Variants in TRPM3 observed in about 807,000 individuals in gnomAD.
TRPM3 encodes the protein transient receptor potential cation channel subfamily M member 3.
In TRPM3, 77 loss-of-function variants were observed where a neutral mutation model predicts 181.2. The observed-to-expected ratio is 0.42, with a 90% CI of 0.35 to 0.51. TRPM3 has a LOEUF of 0.51. TRPM3 is among the 20% of genes least tolerant of loss of function. The probability of loss-of-function intolerance (pLI) is 0.01; values close to 1 mark genes in which losing one functional copy is unlikely to be tolerated. For missense variants in TRPM3, 1,759 were observed against 2,196.7 expected (o/e 0.80, Z 3.98); for synonymous variants, 745 against 796.4 (o/e 0.94, Z 1.09).
Position 71,396,779 on chromosome 9 carries a change from CG to C in TRPM3, c.183+49873del, listed in dbSNP as rs559709419. Among the ~76,000 whole-genome samples, 488 of 151,706 alleles carry C rather than the reference CG, an allele frequency of 3.2e-3. 3 individuals are homozygous for C. Among genetic ancestry groups the C allele is most frequent in the African/African-American group, 9.2e-3 (381 of 41,394 alleles). The stretch of plus-strand genomic sequence containing the variant: ...AGATTGAGACCCATCCTGGCTAACA[CG>C]GTGAAACCCCATCTCTACTAAAAAA... On this transcript the variant is annotated intron_variant, in intron 1 of 24. Transcript: ENST00000357533.
rs139399037 is a variant in TRPM3, at chr9:71,150,163, G to A, written c.184-285652C>T. ...AAGAGATTGTTATTTTTAAAAATAG[G>A]ATAAATAACAAACACAACTAATAAA... On this transcript the variant is annotated intron_variant, in intron 1 of 24. Coordinates refer to the TRPM3 transcript ENST00000357533. Among the ~76,000 whole-genome samples the A allele has an allele frequency of 1.8e-4, 27 of 151,974 alleles. No homozygotes were observed. In the East Asian group the frequency reaches 4.4e-3, roughly 25 times the overall value.
Position 71,408,130 on chromosome 9 carries a change from C to A in TRPM3, c.183+38523G>T, listed in dbSNP as rs1387411866. ...TGTCAAAGACCAAAGGTAGATAAAA[C>A]CACAAAGATGGGGAGAAACCAGAGC... is the stretch of plus-strand genomic sequence containing the variant. On this transcript the variant is annotated intron_variant, in intron 1 of 24. Coordinates refer to the TRPM3 transcript ENST00000357533. Among the ~76,000 whole-genome samples, 3 of 152,160 alleles carry A rather than the reference C, an allele frequency of 2.0e-5. No individual in the cohort carries two copies. The East Asian group carries it at 5.8e-4, about 29-fold the overall frequency.
chr9:71,184,165 G>T (rs1472307829), intron 1 of TRPM3, among the ~76,000 whole-genome samples: 1 of 152,090 alleles, frequency 6.6e-6, no homozygotes, highest in Non-Finnish European at 1.5e-5. Flanking sequence ...GAAAAAAAGG[G>T]AGGAATACCT....
chr9:70,848,647 C>A (rs914789883), intron 3 of TRPM3, among the ~76,000 whole-genome samples: 2 of 152,178 alleles, frequency 1.3e-5, no homozygotes, highest in African/African-American at 4.8e-5. Flanking sequence ...TCAACAGCAA[C>A]AATAGACACC....
At chr9:71,119,770 C>G (rs1357383233) in intron 1 of TRPM3, among the ~76,000 whole-genome samples, 1 of 152,138 alleles carries the variant, frequency 6.6e-6, no homozygotes, top group Non-Finnish European at 1.5e-5. Context: ...AGAAAATGTA[C>G]ACCAATTTGT....
chr9:71,173,497 G>C (rs945107622), intron 1 of TRPM3, among the ~76,000 whole-genome samples: 1 of 152,208 alleles, frequency 6.6e-6, no homozygotes, highest in Non-Finnish European at 1.5e-5. Flanking sequence ...TGGTGGCGAT[G>C]AAAGAAACAA....
At chr9:71,267,077 G>C (rs1197371022) in intron 1 of TRPM3, among the ~76,000 whole-genome samples, 1 of 151,928 alleles carries the variant, frequency 6.6e-6, no homozygotes, top group Non-Finnish European at 1.5e-5. Flanking sequence ...AATTCATGGA[G>C]AGTCCCGAGA....
In TRPM3 at chr9:70,535,653, C is replaced by T. The variant is rs534345568; in HGVS notation, c.*300G>A. On this transcript the variant is annotated 3_prime_UTR_variant, in exon 26 of 26. Transcript: ENST00000677713. ...CCCCTTGTTTCCCCTGCTCTCATGG[C>T]TTTCTGCTGTGACTGCGGATACACA... 3.1e-4 allele frequency: 453 copies of T among 1,442,938 alleles called. No homozygotes were observed. The highest frequency in any genetic ancestry group is 3.9e-4 in the Non-Finnish European group (436 of 1,106,278). The allele number at this position is 1,442,938 out of a possible 1,614,324, so 89.4% of individuals were successfully genotyped here. A position where few individuals can be genotyped will look rare whatever the true frequency, so the allele number is the denominator to read the frequency against.
intron 1 of TRPM3, among the ~76,000 whole-genome samples, chr9:71,003,102 C>T (rs1442746520): frequency 1.3e-5 from 2 of 150,058 alleles, no homozygotes; most frequent in African/African-American, 4.9e-5. Flanking sequence ...AAAGGGTCTT[C>T]GTTTCAGGTA....
intron 1 of TRPM3, among the ~76,000 whole-genome samples, chr9:71,227,262 A>G (rs1387699472): frequency 5.9e-5 from 9 of 152,064 alleles, no homozygotes; most frequent in African/African-American, 2.2e-4. Context: ...CAGTGAATCA[A>G]CAAAGAGATT....
rs954549338 is a variant in TRPM3 at position 70,535,839 on chromosome 9, G to A, written c.*114C>T. 6 of 1,507,988 alleles carry A rather than the reference G, an allele frequency of 4.0e-6. No homozygotes were observed. Among genetic ancestry groups the A allele is most frequent in the Middle Eastern group, 1.8e-4 (1 of 5,594 alleles). 93.4% of individuals were successfully genotyped at this position (1,507,988 alleles called of 1,614,324 possible). ...GTTAACACCTCCCAAAGCATTGCTTGTTTTGCTCAGCTAAGAATAAAGCAG... is the reference window on the plus strand; with the variant it reads ...GTTAACACCTCCCAAAGCATTGCTTATTTTGCTCAGCTAAGAATAAAGCAG... On this transcript the variant is annotated 3_prime_UTR_variant, in exon 26 of 26. Coordinates refer to ENST00000677713, the MANE Select transcript of TRPM3 (RefSeq NM_001366145.2).
At chr9:71,286,762 C>T (rs145206248) in intron 1 of TRPM3, among the ~76,000 whole-genome samples, 349 of 151,250 alleles carry the variant, frequency 2.3e-3, no homozygotes, top group African/African-American at 8.0e-3. Flanking sequence ...ACCAATCTAC[C>T]CCTTGTTTGT....
chr9:71,216,950 T>C lies in TRPM3; in HGVS notation c.183+229703A>G, dbSNP rs902365977. 1.3e-4 allele frequency among the ~76,000 whole-genome samples: 16 copies of C among 123,792 alleles called. No individual in the cohort carries two copies. In the East Asian group the frequency reaches 3.6e-3, roughly 28 times the overall value. 81.2% of individuals were successfully genotyped at this position (123,792 alleles called of 152,430 possible). On this transcript the variant is annotated intron_variant, in intron 1 of 24. Transcript: ENST00000357533. Reference sequence around the variant, plus strand: ...CAGTGGCCCTTTCTTTTTTTTTTTTTTTTTTTTTTTTTTTTTTTGAGACGG... The same window carrying C: ...CAGTGGCCCTTTCTTTTTTTTTTTTCTTTTTTTTTTTTTTTTTTGAGACGG...
At chr9:71,257,484 C>A (rs1231598404) in intron 1 of TRPM3, among the ~76,000 whole-genome samples, 3 of 152,078 alleles carry the variant, frequency 2.0e-5, no homozygotes, top group African/African-American at 7.2e-5. Context: ...ATGCCATGTA[C>A]CCAATGACTG....
At chr9:70,930,960 T>C (rs1414686253) in intron 1 of TRPM3, among the ~76,000 whole-genome samples, 1 of 152,028 alleles carries the variant, frequency 6.6e-6, no homozygotes, top group Non-Finnish European at 1.5e-5. Flanking sequence ...AATTAGAAAA[T>C]GAGACCTCCA....
At chr9:70,966,841 G>C (rs2097190357) in intron 1 of TRPM3, among the ~76,000 whole-genome samples, 1 of 151,670 alleles carries the variant, frequency 6.6e-6, no homozygotes, top group Non-Finnish European at 1.5e-5. Flanking sequence ...CCACATCAAA[G>C]GTTTACCATA....
chr9:71,439,979 C>T (rs928534011), intron 1 of TRPM3, among the ~76,000 whole-genome samples: 4 of 151,836 alleles, frequency 2.6e-5, no homozygotes, highest in Non-Finnish European at 5.9e-5. Flanking sequence ...AAAAATTAGC[C>T]GGGCATGGTG....
intron 21 of TRPM3, among the ~76,000 whole-genome samples, chr9:70,595,576 C>T (rs569595623): frequency 1.3e-5 from 2 of 152,264 alleles, no homozygotes; most frequent in South Asian, 2.1e-4. Flanking sequence ...TATTATAGTT[C>T]TTTGCTTTCA....
intron 5 of TRPM3, among the ~76,000 whole-genome samples, chr9:70,830,225 A>G (rs981218267): frequency 5.3e-5 from 8 of 152,238 alleles, no homozygotes; most frequent in Non-Finnish European, 1.0e-4. Flanking sequence ...ACTATCAGTG[A>G]AAGTGAAATT....
Sources: allele counts gnomAD v4.1 joint callset (sites outside exome capture counted in the v4.1 genomes callset), GRCh38; gene constraint gnomAD v4.1.1; transcripts MANE v1.5; gene names NCBI Gene and HGNC (gene_info 2026-07-23, HGNC 2026-07-21).